ANPEP: variants seen among roughly 807,000 people sequenced by gnomAD.
ANPEP encodes aminopeptidase N.
In ANPEP, 70 loss-of-function variants were observed where a neutral mutation model predicts 114.6. That is an observed-to-expected ratio of 0.61 (90% CI 0.50 to 0.75). The LOEUF (loss-of-function observed/expected upper bound fraction) is 0.75. Ranked by LOEUF, ANPEP falls within the 30% of genes least tolerant of loss-of-function variation. The pLI, the probability that ANPEP is intolerant of heterozygous loss-of-function variation, is 0.00. For missense variants in ANPEP, 1,184 were observed against 1,259.5 expected (o/e 0.94, Z 0.91); for synonymous variants, 548 against 522.3 (o/e 1.05, Z -0.67).
intron 20 of ANPEP, among the ~76,000 whole-genome samples, chr15:89,787,040 CTTTT>C (rs1015822999): frequency 9.8e-4 from 89 of 91,066 alleles, no homozygotes; most frequent in African/African-American, 3.8e-3. Context: ...TAATAAAACT[CTTTT>C]TTTTTTTTTT....
At chr15:89,810,193 C>G (rs1894792598) in intron 1 of ANPEP, among the ~76,000 whole-genome samples, 1 of 152,132 alleles carries the variant, frequency 6.6e-6, no homozygotes, top group Non-Finnish European at 1.5e-5. Flanking sequence ...GCCTGGCCAA[C>G]ATGGTGAAAC....
chr15:89,812,858 C>T (rs1894839807), intron 1 of ANPEP, among the ~76,000 whole-genome samples: 1 of 152,196 alleles, frequency 6.6e-6, no homozygotes, highest in Non-Finnish European at 1.5e-5. Flanking sequence ...CCCCTCACAT[C>T]TACTGTGGCC....
chr15:89,805,502 G>C, intron 2 of ANPEP, 39 bp from the exon 3 acceptor site: 1 of 1,611,014 alleles, frequency 6.2e-7, no homozygotes, highest in South Asian at 1.1e-5. Flanking sequence ...GCCAGAGCTG[G>C]GGGTGTGGGA....
At position 89,803,275 on chromosome 15, in the gene ANPEP, G is replaced by A; in HGVS notation, c.1533C>T (p.Asn511=). ...GGTCCCACAGGTTCAGGTAGATGGT[G>A]TTCTGGTAGGCAAAGGTGTGGAGGT... The part of the protein sequence containing the change: ...ASYLHTFAYQ[N]TIYLNLWDHL... The change falls in exon 10 of 21, where the codon AAC becomes AAT. Residue 511 remains asparagine, a synonymous_variant. Transcript: ENST00000300060. This position sits in a 1 kb window ranked among gnomAD's most constrained non-coding sequence, Gnocchi z 4.2. 2 of 1,614,134 alleles carry A rather than the reference G, an allele frequency of 1.2e-6. No homozygotes were observed. The highest frequency in any genetic ancestry group is 2.2e-5 in the South Asian group (2 of 91,090).
Position 89,805,472 on chromosome 15 carries a change from A to G in ANPEP, c.615-9T>C, listed in dbSNP as rs1295194427. On this transcript the variant is annotated splice_polypyrimidine_tract_variant and intron_variant, in intron 2 of 20. Transcript: ENST00000300060. ...GTGTAGTGGCCACCACCCTGCCCCA[A>G]CAGGAAGGTTAGAGGGTGTGCCAGA... 7 of 1,613,836 alleles carry G rather than the reference A, an allele frequency of 4.3e-6. No homozygotes were observed. Among genetic ancestry groups the G allele is most frequent in the South Asian group, 2.2e-5 (2 of 91,066 alleles).
rs973825926 is a variant in ANPEP, at chr15:89,791,090, G to A, written c.2532C>T (p.Tyr844=). The A allele has an allele frequency of 1.2e-6, 2 of 1,614,040 alleles. No homozygotes were observed. The highest frequency in any genetic ancestry group is 2.2e-5 in the South Asian group (2 of 91,074). The change falls in exon 19 of 21, where the codon TAC becomes TAT. Residue 844 remains tyrosine (Y), a synonymous_variant. Transcript: ENST00000300060. ...CSKELWILNR[Y]LSYTLNPDLI... Reference sequence around the variant, plus strand: ...AGTCCGGGTTCAGGGTGTAGCTCAGGTACCTAAGAGGGCCAGATGCTGTCT... The same window carrying A: ...AGTCCGGGTTCAGGGTGTAGCTCAGATACCTAAGAGGGCCAGATGCTGTCT...
rs1192740633 is a variant in ANPEP at position 89,791,106 on chromosome 15, G to C, written c.2529-13C>G. On this transcript the variant is annotated splice_polypyrimidine_tract_variant and intron_variant, in intron 18 of 20. Transcript: ENST00000300060. ...GTAGCTCAGGTACCTAAGAGGGCCA[G>C]ATGCTGTCTCAGCTACTGCTAATTC... The C allele has an allele frequency of 8.1e-6, 13 of 1,613,566 alleles. No homozygotes were observed. In the East Asian group the frequency reaches 2.4e-4, roughly 30 times the overall value.
At chr15:89,807,311 C>T (rs1384763164) in intron 1 of ANPEP, among the ~76,000 whole-genome samples, 1 of 152,196 alleles carries the variant, frequency 6.6e-6, no homozygotes, top group Non-Finnish European at 1.5e-5. Flanking sequence ...CCTTCTGAAC[C>T]TCTCTCCTCA....
Position 89,804,303 on chromosome 15 carries a change from T to C in ANPEP, c.1129A>G (p.Ser377Gly), listed in dbSNP as rs550682152. The C allele has an allele frequency of 5.0e-6, 8 of 1,614,158 alleles. No homozygotes were observed. In the South Asian group the frequency reaches 8.8e-5, roughly 18 times the overall value. Residue 377 changes from serine (S) to glycine (G), a missense_variant, in exon 6 of 21, where the codon AGC (serine) becomes GGC (glycine). By Grantham distance (56) the Ser-to-Gly change is moderately conservative. Coordinates refer to ENST00000300060, the MANE Select transcript of ANPEP (RefSeq NM_001150.3). The part of the protein sequence containing the change: ...LLFDPLSSSS[S>G]NKERVVTVIA... Reference sequence around the variant, plus strand: ...ACAGTGACCACCCGCTCCTTGTTGCTGCTGGAGGAGGACAGGGGGTCGAAC... The same window carrying C: ...ACAGTGACCACCCGCTCCTTGTTGCCGCTGGAGGAGGACAGGGGGTCGAAC...
At chr15:89,795,430 A>G (rs751629670) in intron 15 of ANPEP, among the ~76,000 whole-genome samples, 1 of 152,186 alleles carries the variant, frequency 6.6e-6, no homozygotes, top group Non-Finnish European at 1.5e-5. Context: ...AAATCTTCCA[A>G]TACTAGATGA....
At position 89,789,499 on chromosome 15, in the gene ANPEP, G is replaced by A. The variant is rs188547713; in HGVS notation, c.2751+961C>T. Among the ~76,000 whole-genome samples the A allele has an allele frequency of 1.3e-3, 203 of 152,094 alleles. 1 individual carries two copies. Among genetic ancestry groups the A allele is most frequent in the African/African-American group, 4.2e-3 (173 of 41,496 alleles). On this transcript the variant is annotated intron_variant, in intron 20 of 20. Coordinates refer to ENST00000300060, the MANE Select transcript of ANPEP (RefSeq NM_001150.3). ...TTTAAGAATCCCTTTATTGCTGGGC[G>A]CAGTGGCTCACACCTGTAATCTCAG...
Position 89,806,963 on chromosome 15 carries a change from G to C in ANPEP, c.-223-157C>G, listed in dbSNP as rs866064479. ...CTTGAGAGCTGAGAGGGTGGGAACA[G>C]CATCAGAACTGAGGTTAGAGTCAGG... is the stretch of plus-strand genomic sequence containing the variant. On this transcript the variant is annotated intron_variant, in intron 1 of 20. Coordinates refer to ENST00000300060, the MANE Select transcript of ANPEP (RefSeq NM_001150.3). The surrounding 1 kb of genome is among the most constrained non-coding windows in gnomAD (Gnocchi z 5.7). 1 of 214,748 alleles carries C rather than the reference G, an allele frequency of 4.7e-6. No individual in the cohort carries two copies. The highest frequency in any genetic ancestry group is 2.3e-5 in the African/African-American group (1 of 44,328). The allele number at this position is 214,748 out of a possible 1,614,324, so 13.3% of individuals were successfully genotyped here.
chr15:89,796,451 A>C (rs1478493645), intron 15 of ANPEP, among the ~76,000 whole-genome samples: 3 of 151,852 alleles, frequency 2.0e-5, no homozygotes, highest in Non-Finnish European at 2.9e-5. Flanking sequence ...AAAATCTCTC[A>C]TTTACCATAA....
intron 6 of ANPEP, 118 bp downstream of exon 6, chr15:89,804,135 T>A: frequency 6.4e-7 from 1 of 1,554,984 alleles, no homozygotes; most frequent in Non-Finnish European, 8.8e-7. Context: ...CCCTTCCTGC[T>A]GCCCTGCCAG....
chr15:89,790,296 TATC>T (rs1293580997), intron 20 of ANPEP, among the ~76,000 whole-genome samples, 161 bp downstream of exon 20: 1 of 152,186 alleles, frequency 6.6e-6, no homozygotes, highest in Non-Finnish European at 1.5e-5. Flanking sequence ...TAAATTGAAT[TATC>T]AACATTTCCA....
In ANPEP at chr15:89,803,651, C is replaced by T; in HGVS notation, c.1433G>A (p.Ser478Asn). ...CCCACGAGGAGCGGGCTGCACCTTG[C>T]TGTAGGAGATGGCGTCAAACAGCTC... The part of the protein sequence containing the change: ...ISELFDAISY[S>N]KGASVLRMLS... The change falls in exon 8 of 21, where the codon AGC becomes AAC. Residue 478 changes from serine (S) to asparagine (N), a missense_variant. Ser to Asn is a conservative substitution (Grantham distance 46). Transcript: ENST00000300060. This position sits in a 1 kb window ranked among gnomAD's most constrained non-coding sequence, Gnocchi z 4.2. 4 of 1,611,234 alleles carry T rather than the reference C, an allele frequency of 2.5e-6. No individual in the cohort carries two copies. The highest frequency in any genetic ancestry group is 3.4e-6 in the Non-Finnish European group (4 of 1,178,520).
chr15:89,812,562 C>T (rs1894835131), intron 1 of ANPEP, among the ~76,000 whole-genome samples: 1 of 152,128 alleles, frequency 6.6e-6, no homozygotes, highest in African/African-American at 2.4e-5. Flanking sequence ...GAGGAAGGAG[C>T]AGAGGCATTT....
At chr15:89,790,216 C>T (rs142466210) in intron 20 of ANPEP, among the ~76,000 whole-genome samples, 191 of 152,248 alleles carry the variant, frequency 1.3e-3, no homozygotes, top group African/African-American at 4.3e-3. Flanking sequence ...ACCTGGGTAA[C>T]GGGTACATGG....
At position 89,792,140 on chromosome 15, in the gene ANPEP, C is replaced by T; in HGVS notation, c.2528+20G>A. On this transcript the variant is annotated intron_variant, in intron 18 of 20. Coordinates refer to ENST00000300060, the MANE Select transcript of ANPEP (RefSeq NM_001150.3). ...GGTGGGGAGAGGGCTCTCGCAGTCCCACCCTGCGCCAAGACTCACCTGTTC... is the reference window on the plus strand; with the variant it reads ...GGTGGGGAGAGGGCTCTCGCAGTCCTACCCTGCGCCAAGACTCACCTGTTC... 1.2e-6 allele frequency: 2 copies of T among 1,607,458 alleles called. No homozygotes were observed. The highest frequency in any genetic ancestry group is 1.7e-6 in the Non-Finnish European group (2 of 1,175,732).
Sources: gnomAD v4.1 joint callset for allele counts (sites outside exome capture counted in the v4.1 genomes callset) on GRCh38, gnomAD v4.1.1 for gene constraint, Gnocchi (gnomAD v3.1) non-coding constraint, MANE v1.5 for transcripts, NCBI Gene and HGNC (gene_info 2026-07-23, HGNC 2026-07-21) for gene names.